Variants in MAPKAP1 observed in about 807,000 individuals in gnomAD.
MAPKAP1 encodes the protein target of rapamycin complex 2 subunit MAPKAP1.
In MAPKAP1, 20 loss-of-function variants were observed where a neutral mutation model predicts 65.7. That is an observed-to-expected ratio of 0.30 (90% CI 0.21 to 0.44). MAPKAP1 has a LOEUF of 0.44. Among genes scored for constraint, MAPKAP1 ranks in the 20% least tolerant of loss-of-function variants. The pLI, the probability that MAPKAP1 is intolerant of heterozygous loss-of-function variation, is 1.00. For missense variants in MAPKAP1, 423 were observed against 648.0 expected, an observed-to-expected ratio of 0.65 and a Z score of 3.77; for synonymous variants, 222 against 244.3, an observed-to-expected ratio of 0.91 and a Z score of 0.85.
chr9:125,650,017 C>G (rs1378532198), intron 4 of MAPKAP1, among the ~76,000 whole-genome samples: 1 of 152,092 alleles, frequency 6.6e-6, no homozygotes, highest in Non-Finnish European at 1.5e-5. Context: ...GCTCCACAAG[C>G]CGGACACGGA....
At chr9:125,690,846 A>G (rs1457687204) in intron 1 of MAPKAP1, among the ~76,000 whole-genome samples, 1 of 152,240 alleles carries the variant, frequency 6.6e-6, no homozygotes, top group Non-Finnish European at 1.5e-5. Flanking sequence ...TTACAGAGAG[A>G]CTTCCTCAAA....
intron 1 of MAPKAP1, among the ~76,000 whole-genome samples, chr9:125,700,593 T>C (rs983022348): frequency 1.3e-5 from 2 of 152,246 alleles, no homozygotes; most frequent in Admixed American, 6.5e-5. Flanking sequence ...TTCAATTACA[T>C]AAAACTGTAT....
intron 4 of MAPKAP1, chr9:125,596,345 C>G: frequency 1.3e-6 from 1 of 772,100 alleles, no homozygotes; most frequent in South Asian, 1.3e-5. Context: ...GTTGTGGTGC[C>G]TTTGGTGGCA....
chr9:125,590,658 A>G (rs1174715468), intron 4 of MAPKAP1, among the ~76,000 whole-genome samples: 1 of 152,122 alleles, frequency 6.6e-6, no homozygotes, highest in Non-Finnish European at 1.5e-5. Flanking sequence ...CTCAAGAAAA[A>G]AAAAGGGGGG....
chr9:125,479,268 G>T (rs1452445900), intron 9 of MAPKAP1, among the ~76,000 whole-genome samples: 1 of 152,114 alleles, frequency 6.6e-6, no homozygotes, highest in Non-Finnish European at 1.5e-5. Context: ...TCATTAATGG[G>T]GTTTTTCGGT....
chr9:125,458,289 C>A (rs1474426585), intron 10 of MAPKAP1, among the ~76,000 whole-genome samples: 1 of 147,006 alleles, frequency 6.8e-6, no homozygotes, highest in African/African-American at 2.5e-5. Context: ...GGTCATATGA[C>A]AATAGTGGAG....
chr9:125,656,635 A>T (rs1211561153), intron 4 of MAPKAP1, among the ~76,000 whole-genome samples: 1 of 152,170 alleles, frequency 6.6e-6, no homozygotes, highest in East Asian at 1.9e-4. Flanking sequence ...CTCATGAAAA[A>T]AAAAAATCAA....
chr9:125,589,469 C>G (rs559426517), intron 4 of MAPKAP1, among the ~76,000 whole-genome samples: 1 of 152,168 alleles, frequency 6.6e-6, no homozygotes, highest in Admixed American at 6.5e-5. Context: ...ATGAATGACT[C>G]CAGTGCCTGC....
intron 10 of MAPKAP1, among the ~76,000 whole-genome samples, chr9:125,445,990 C>T (rs540530769): frequency 6.6e-6 from 1 of 152,298 alleles, no homozygotes; most frequent in Admixed American, 6.5e-5. Flanking sequence ...TTTCGACAGA[C>T]CTTAGTGTCT....
chr9:125,441,555 T>C (rs1204973929), intron 11 of MAPKAP1, among the ~76,000 whole-genome samples: 1 of 152,252 alleles, frequency 6.6e-6, no homozygotes, highest in Non-Finnish European at 1.5e-5. Context: ...GCTTTGTTCA[T>C]GATTGTTTAT....
intron 8 of MAPKAP1, among the ~76,000 whole-genome samples, chr9:125,491,650 G>A (rs943333325): frequency 1.8e-4 from 27 of 151,576 alleles, no homozygotes; most frequent in African/African-American, 6.3e-4. Flanking sequence ...GCTTAGTGGT[G>A]TGCTCCGATA....
At chr9:125,606,697 T>C (rs756093356) in intron 4 of MAPKAP1, among the ~76,000 whole-genome samples, 1 of 152,204 alleles carries the variant, frequency 6.6e-6, no homozygotes, top group Non-Finnish European at 1.5e-5. Flanking sequence ...GCCAAGGTGA[T>C]TGTAGCCAAC....
chr9:125,480,192 G>A (rs1267256395), intron 9 of MAPKAP1, among the ~76,000 whole-genome samples: 2 of 152,186 alleles, frequency 1.3e-5, no homozygotes, highest in East Asian at 1.9e-4. Context: ...TGTAATCTAC[G>A]TGGGATGGGA....
At chr9:125,625,257 A>AAAAAAAAAAAAAAAAAATT (rs1833077698) in intron 4 of MAPKAP1, among the ~76,000 whole-genome samples, 1 of 64,066 alleles carries the variant, frequency 1.6e-5, no homozygotes, top group Non-Finnish European at 3.1e-5. Context: ...TAAATAAATA[A>AAAAAAAAAAAAAAAAAATT]AAAAAAAAAA....
chr9:125,518,735 G>A (rs574446087), intron 7 of MAPKAP1, among the ~76,000 whole-genome samples: 4 of 152,288 alleles, frequency 2.6e-5, no homozygotes, highest in African/African-American at 9.6e-5. Context: ...AAATTTATAA[G>A]ATATAGAATG....
intron 5 of MAPKAP1, among the ~76,000 whole-genome samples, chr9:125,575,970 A>C (rs953462513): frequency 3.3e-5 from 5 of 152,270 alleles, no homozygotes; most frequent in African/African-American, 1.2e-4. Context: ...ATGAATGAAT[A>C]AATGAACTGT....
At chr9:125,557,386 G>A (rs564832231) in intron 6 of MAPKAP1, among the ~76,000 whole-genome samples, 3 of 152,062 alleles carry the variant, frequency 2.0e-5, no homozygotes, top group South Asian at 2.1e-4. Flanking sequence ...AAAAACTATC[G>A]AAATGCCACT....
chr9:125,475,872 A>G (rs1854089872), intron 9 of MAPKAP1, among the ~76,000 whole-genome samples: 1 of 152,220 alleles, frequency 6.6e-6, no homozygotes. Context: ...GATCTTCCCC[A>G]TGTTCAGGCC....
intron 7 of MAPKAP1, among the ~76,000 whole-genome samples, chr9:125,535,677 AT>A: frequency 6.6e-6 from 1 of 152,312 alleles, no homozygotes; most frequent in African/African-American, 2.4e-5. Flanking sequence ...GAATTTCTTA[AT>A]TCTGAGATAG....
Sources: allele counts gnomAD v4.1 joint callset (sites outside exome capture counted in the v4.1 genomes callset), GRCh38; gene constraint gnomAD v4.1.1; transcripts MANE v1.5; gene names NCBI Gene and HGNC (gene_info 2026-07-23, HGNC 2026-07-21).